The following SLC44A5 variants were observed in gnomAD, a reference collection of about 807,000 sequenced individuals.
SLC44A5 encodes solute carrier family 44 member 5, also known as choline transporter-like protein 5.
Under a neutral mutation model 101.8 loss-of-function variants are expected in SLC44A5, and 57 were observed. The observed-to-expected ratio is 0.56, with a 90% confidence interval of 0.45 to 0.70. The LOEUF is 0.70. SLC44A5 is among the 30% of genes least tolerant of loss of function. The pLI is 0.00. For synonymous variants in SLC44A5, 281 were observed against 290.9 expected (o/e 0.97, Z 0.35); for missense variants, 737 against 853.1 (o/e 0.86, Z 1.70).
At chr1:75,304,293 GGTGTGTGTGTGTGTGT>G (rs71081327) in intron 4 of SLC44A5, among the ~76,000 whole-genome samples, 2 of 65,420 alleles carry the variant, frequency 3.1e-5, no homozygotes, top group Non-Finnish European at 6.1e-5. Context: ...TTTTTAAATA[GGTGTGTGTGTGTGTGT>G]GTGTGTGTGT....
intron 1 of SLC44A5, among the ~76,000 whole-genome samples, chr1:75,583,924 GTAATTCC>G (rs1673848553): frequency 6.6e-6 from 1 of 152,232 alleles, no homozygotes; most frequent in Admixed American, 6.5e-5. Context: ...CCAATTTTCA[GTAATTCC>G]TATGGGGCTG....
At chr1:75,304,316 G>C (rs1048255576) in intron 4 of SLC44A5, among the ~76,000 whole-genome samples, 5 of 151,762 alleles carry the variant, frequency 3.3e-5, no homozygotes, top group African/African-American at 1.2e-4. Flanking sequence ...GTGTGTGTGT[G>C]TGTGTGTGTA....
the SLC44A5 span, chr1:75,709,922 C>T: frequency 3.9e-5 from 6 of 152,022 alleles, no homozygotes; most frequent in Non-Finnish European, 8.8e-5. Flanking sequence ...AAATGCTACT[C>T]GCAGAAAAGG....
chr1:75,405,870 A>C (rs1662817906), intron 2 of SLC44A5, among the ~76,000 whole-genome samples: 1 of 130,630 alleles, frequency 7.7e-6, no homozygotes, highest in Non-Finnish European at 1.6e-5. Flanking sequence ...GCAGAACTGA[A>C]GGCGATAGAG....
chr1:75,363,254 A>G (rs1659624483), intron 3 of SLC44A5, among the ~76,000 whole-genome samples: 1 of 152,074 alleles, frequency 6.6e-6, no homozygotes, highest in South Asian at 2.1e-4. Context: ...TAACCCAACC[A>G]GTCATTCTGT....
chr1:75,504,592 C>A (rs1314324096), intron 2 of SLC44A5, among the ~76,000 whole-genome samples: 1 of 151,920 alleles, frequency 6.6e-6, no homozygotes, highest in Admixed American at 6.6e-5. Context: ...TAGATATATA[C>A]CTTTTCTTTT....
chr1:75,280,407 GTA>G lies in SLC44A5; in HGVS notation c.176-5367_176-5366del, dbSNP rs1461788562. Among the ~76,000 whole-genome samples, 99 of 110,660 alleles carry G rather than the reference GTA, an allele frequency of 8.9e-4. 4 individuals are homozygous for G. Among genetic ancestry groups the G allele is most frequent in the African/African-American group, 3.5e-3 (95 of 26,856 alleles). 72.6% of individuals were successfully genotyped at this position (110,660 alleles called of 152,430 possible). A position where few individuals can be genotyped will look rare whatever the true frequency, so the allele number is the denominator to read the frequency against. The stretch of plus-strand genomic sequence containing the variant: ...ATATATATTGTATATATTATATATT[GTA>G]TATATAATATATATATTGTATATAT... On this transcript the variant is annotated intron_variant, in intron 5 of 23. Coordinates refer to ENST00000370859, the MANE Select transcript of SLC44A5 (RefSeq NM_001130058.2).
intron 1 of SLC44A5, among the ~76,000 whole-genome samples, chr1:75,600,319 A>C (rs1240004793): frequency 6.6e-6 from 1 of 152,208 alleles, no homozygotes; most frequent in Non-Finnish European, 1.5e-5. Context: ...ATGGTAAACT[A>C]CAAAAATAAA....
chr1:75,652,456 G>A, the SLC44A5 span, among the ~76,000 whole-genome samples: 1 of 152,120 alleles, frequency 6.6e-6, no homozygotes. Context: ...GTGTGGATTT[G>A]CTGCTGCTAA....
chr1:75,419,076 A>G (rs1413815658), intron 2 of SLC44A5, among the ~76,000 whole-genome samples: 1 of 152,206 alleles, frequency 6.6e-6, no homozygotes, highest in Non-Finnish European at 1.5e-5. Flanking sequence ...CAGAGATCAG[A>G]GTTTGAACAG....
intron 2 of SLC44A5, among the ~76,000 whole-genome samples, chr1:75,448,354 A>G (rs1377006790): frequency 6.6e-6 from 1 of 152,194 alleles, no homozygotes; most frequent in Non-Finnish European, 1.5e-5. Flanking sequence ...AGTCCAGGGC[A>G]AGCAACTTTG....
intron 2 of SLC44A5, among the ~76,000 whole-genome samples, chr1:75,521,294 G>A (rs1264429741): frequency 6.6e-6 from 1 of 152,116 alleles, no homozygotes; most frequent in Non-Finnish European, 1.5e-5. Context: ...CTAAAAGCAG[G>A]GAAATAGTGT....
chr1:75,557,943 T>A (rs919132815), intron 1 of SLC44A5, among the ~76,000 whole-genome samples: 3 of 152,132 alleles, frequency 2.0e-5, no homozygotes, highest in Non-Finnish European at 1.5e-5. Flanking sequence ...TGATTATATA[T>A]TAGCACATTC....
At chr1:75,514,164 TA>T (rs1669707629) in intron 2 of SLC44A5, among the ~76,000 whole-genome samples, 1 of 152,160 alleles carries the variant, frequency 6.6e-6, no homozygotes, top group Admixed American at 6.5e-5. Flanking sequence ...ACTATTAATA[TA>T]AAAAAGAACT....
At chr1:75,649,393 A>G in the SLC44A5 span, among the ~76,000 whole-genome samples, 2 of 152,274 alleles carry the variant, frequency 1.3e-5, no homozygotes, top group African/African-American at 4.8e-5. Context: ...TTGGACAGTG[A>G]TACAAGTCAT....
intron 3 of SLC44A5, among the ~76,000 whole-genome samples, chr1:75,342,690 G>A (rs1657973699): frequency 6.6e-6 from 1 of 152,140 alleles, no homozygotes; most frequent in South Asian, 2.1e-4. Context: ...TTACATTAAA[G>A]GTAGGCAAAA....
At chr1:75,256,651 G>A (rs920264629) in intron 6 of SLC44A5, among the ~76,000 whole-genome samples, 4 of 152,110 alleles carry the variant, frequency 2.6e-5, no homozygotes, top group Non-Finnish European at 5.9e-5. Context: ...TGACAAATCT[G>A]ATCATGTAAA....
chr1:75,490,929 T>TA (rs1395294710), intron 2 of SLC44A5, among the ~76,000 whole-genome samples: 43 of 151,842 alleles, frequency 2.8e-4, no homozygotes, highest in African/African-American at 1.0e-3. Context: ...ATCTACTTTT[T>TA]TAAAAAAAAA....
At chr1:75,290,813 T>A (rs1000894352) in intron 5 of SLC44A5, among the ~76,000 whole-genome samples, 2 of 152,198 alleles carry the variant, frequency 1.3e-5, no homozygotes, top group Admixed American at 1.3e-4. Context: ...AGAGTGGGAC[T>A]TCAGATATAT....
Sources: gnomAD v4.1 joint callset for allele counts (sites outside exome capture counted in the v4.1 genomes callset) on GRCh38, gnomAD v4.1.1 for gene constraint, MANE v1.5 for transcripts, NCBI Gene and HGNC (gene_info 2026-07-23, HGNC 2026-07-21) for gene names.